CEP120: variants seen among roughly 807,000 people sequenced by gnomAD.
CEP120 encodes centrosomal protein of 120 kDa.
A neutral mutation model predicts 126.5 loss-of-function variants in CEP120; 113 were observed. The observed-to-expected ratio is 0.89, with a 90% CI of 0.77 to 1.04. The LOEUF is 1.04. Among genes scored for constraint, CEP120 ranks in the 50% least tolerant of loss-of-function variants. CEP120 has a pLI of 0.00. For synonymous variants in CEP120, 400 were observed against 394.3 expected (o/e 1.01, Z -0.17); for missense variants, 1,230 against 1,155.7 (o/e 1.06, Z -0.93).
intron 5 of CEP120, 26 bp downstream of exon 5, chr5:123,399,110 G>A: frequency 6.5e-7 from 1 of 1,528,340 alleles, no homozygotes; most frequent in East Asian, 2.3e-5. Context: ...TTATTCGTAA[G>A]TCACCAATCT....
At chr5:123,392,823 A>C (rs1166688801) in intron 6 of CEP120, among the ~76,000 whole-genome samples, 2 of 152,140 alleles carry the variant, frequency 1.3e-5, no homozygotes, top group Admixed American at 1.3e-4. Context: ...GTTTGCTTTT[A>C]AATGGAGTCC....
intron 16 of CEP120, among the ~76,000 whole-genome samples, chr5:123,375,933 A>G (rs1562027578): frequency 6.6e-6 from 1 of 151,856 alleles, no homozygotes; most frequent in Admixed American, 6.6e-5. Flanking sequence ...TTCATCATAC[A>G]TATCTAATCT....
intron 14 of CEP120, among the ~76,000 whole-genome samples, chr5:123,380,286 C>G (rs1771546284): frequency 6.6e-6 from 1 of 151,976 alleles, no homozygotes; most frequent in Non-Finnish European, 1.5e-5. Context: ...CCATGCAAGA[C>G]AGGATACTTT....
chr5:123,418,338 T>C (rs779137922), intron 2 of CEP120, 21 bp downstream of exon 2: 10 of 1,528,338 alleles, frequency 6.5e-6, no homozygotes, highest in Non-Finnish European at 8.0e-6. Context: ...ATAAAGAAGC[T>C]AAAATGAAAA....
chr5:123,404,253 A>G (rs1053087819), intron 4 of CEP120, among the ~76,000 whole-genome samples: 1 of 152,258 alleles, frequency 6.6e-6, no homozygotes, highest in African/African-American at 2.4e-5. Context: ...AAAAAATAAT[A>G]AAGCCTCTAG....
intron 19 of CEP120, among the ~76,000 whole-genome samples, chr5:123,348,364 T>C (rs1768976959): frequency 6.6e-6 from 1 of 152,160 alleles, no homozygotes; most frequent in Admixed American, 6.5e-5. Flanking sequence ...GAGCTAAATA[T>C]ATATTTGCTA....
intron 19 of CEP120, among the ~76,000 whole-genome samples, chr5:123,347,290 T>C (rs1053281006): frequency 6.6e-6 from 1 of 152,176 alleles, no homozygotes; most frequent in Non-Finnish European, 1.5e-5. Flanking sequence ...TATTGGTCTT[T>C]AGGTTGCTCC....
chr5:123,373,208 C>T (rs1326813272), intron 16 of CEP120, among the ~76,000 whole-genome samples: 1 of 151,926 alleles, frequency 6.6e-6, no homozygotes, highest in Non-Finnish European at 1.5e-5. Context: ...AGAGTAAGTG[C>T]AAGTTATCTG....
intron 17 of CEP120, among the ~76,000 whole-genome samples, chr5:123,365,006 A>G (rs1268269826): frequency 6.6e-6 from 1 of 151,614 alleles, no homozygotes; most frequent in Non-Finnish European, 1.5e-5. Context: ...CTATCTTCAT[A>G]TGGAATTTTG....
Position 123,371,377 on chromosome 5 carries a change from A to G in CEP120, c.2481+1273T>C, listed in dbSNP as rs573016306. On this transcript the variant is annotated intron_variant, in intron 17 of 19. Coordinates refer to ENST00000306467, the MANE Select transcript of CEP120 (RefSeq NM_001375405.1). Reference sequence around the variant, plus strand: ...CGGCAGGCAAAGAGAGAGCTGGTACAGGCAAACTCCCATTTTTTAAAGCCA... The same window carrying G: ...CGGCAGGCAAAGAGAGAGCTGGTACGGGCAAACTCCCATTTTTTAAAGCCA... 2.0e-5 allele frequency among the ~76,000 whole-genome samples: 3 copies of G among 152,164 alleles called. No homozygotes were observed. In the South Asian group the frequency reaches 6.2e-4, roughly 32 times the overall value.
intron 18 of CEP120, 121 bp from the exon 19 acceptor site, chr5:123,350,210 T>A: frequency 1.2e-6 from 1 of 840,230 alleles, no homozygotes; most frequent in Admixed American, 3.7e-5. Flanking sequence ...ACACTGCCAA[T>A]TCTTTTTTTT....
chr5:123,365,853 G>C (rs1251610420), intron 17 of CEP120, among the ~76,000 whole-genome samples: 1 of 151,324 alleles, frequency 6.6e-6, no homozygotes, highest in Non-Finnish European at 1.5e-5. Context: ...GTCTTGGAGA[G>C]AAGGTCTAGT....
At chr5:123,380,505 A>C (rs1215993181) in intron 14 of CEP120, among the ~76,000 whole-genome samples, 1 of 152,094 alleles carries the variant, frequency 6.6e-6, no homozygotes, top group East Asian at 1.9e-4. Flanking sequence ...GAAGTGTATA[A>C]ATGGAAACCA....
At chr5:123,394,136 G>C (rs1044241706) in intron 5 of CEP120, among the ~76,000 whole-genome samples, 1 of 152,164 alleles carries the variant, frequency 6.6e-6, no homozygotes, top group African/African-American at 2.4e-5. Flanking sequence ...CTAGCATACT[G>C]TTAAACAATA....
intron 16 of CEP120, among the ~76,000 whole-genome samples, chr5:123,375,841 T>C (rs1771174867): frequency 6.6e-6 from 1 of 152,160 alleles, no homozygotes; most frequent in African/African-American, 2.4e-5. Flanking sequence ...ATCAAATTCA[T>C]ATTTTTACAA....
intron 16 of CEP120, among the ~76,000 whole-genome samples, chr5:123,376,414 G>C (rs544974586): frequency 3.3e-5 from 5 of 152,216 alleles, no homozygotes; most frequent in Non-Finnish European, 5.9e-5. Flanking sequence ...ACAGGCACAA[G>C]AGTGGGAGAT....
intron 4 of CEP120, among the ~76,000 whole-genome samples, chr5:123,405,600 C>G (rs576053303): frequency 6.6e-6 from 1 of 152,162 alleles, no homozygotes; most frequent in Non-Finnish European, 1.5e-5. Flanking sequence ...TCCAGACACT[C>G]TGCCCCATCT....
At chr5:123,358,810 T>C (rs1769850160) in intron 18 of CEP120, among the ~76,000 whole-genome samples, 1 of 152,012 alleles carries the variant, frequency 6.6e-6, no homozygotes, top group South Asian at 2.1e-4. Flanking sequence ...TGGCTGCCTA[T>C]AAATCCAGAA....
intron 11 of CEP120, among the ~76,000 whole-genome samples, chr5:123,383,938 T>C (rs961001600): frequency 6.6e-6 from 1 of 152,112 alleles, no homozygotes; most frequent in African/African-American, 2.4e-5. Context: ...TAACCAACTT[T>C]TGTATTTTCT....
Sources: allele counts gnomAD v4.1 joint callset (sites outside exome capture counted in the v4.1 genomes callset), GRCh38; gene constraint gnomAD v4.1.1; transcripts MANE v1.5; gene names NCBI Gene and HGNC (gene_info 2026-07-23, HGNC 2026-07-21).